PDCD6IP: variants seen among roughly 807,000 people sequenced by gnomAD.
The protein encoded by PDCD6IP is programmed cell death 6 interacting protein, also known as programmed cell death 6-interacting protein.
PDCD6IP carries 43 observed loss-of-function variants against 103.7 expected under a neutral mutation model. The ratio of observed to expected loss-of-function variants is 0.41; its 90% CI spans 0.32 to 0.53. The LOEUF is 0.53. Ranked by LOEUF, PDCD6IP falls within the 20% of genes least tolerant of loss-of-function variation. The pLI, the probability that PDCD6IP is intolerant of heterozygous loss-of-function variation, is 0.16. For synonymous variants in PDCD6IP, 354 were observed against 378.7 expected (o/e 0.93, Z 0.76); for missense variants, 871 against 1,036.7 (o/e 0.84, Z 2.20).
chr3:33,842,183 C>G, intron 10 of PDCD6IP, 109 bp downstream of exon 10: 3 of 681,002 alleles, frequency 4.4e-6, no homozygotes, highest in Non-Finnish European at 7.3e-6. Flanking sequence ...AGTTAGTATT[C>G]ATCACTTTGG....
chr3:33,843,049 A>AT (rs1375252833), intron 10 of PDCD6IP, among the ~76,000 whole-genome samples: 2 of 152,190 alleles, frequency 1.3e-5, no homozygotes, highest in Non-Finnish European at 2.9e-5. Flanking sequence ...TAATCTTTTA[A>AT]TTATAGTAGT....
intron 9 of PDCD6IP, among the ~76,000 whole-genome samples, chr3:33,838,838 C>T (rs1433680886): frequency 6.6e-6 from 1 of 151,600 alleles, no homozygotes; most frequent in Non-Finnish European, 1.5e-5. Flanking sequence ...GTCTTATTGT[C>T]ACCAGGCTGG....
intron 7 of PDCD6IP, among the ~76,000 whole-genome samples, chr3:33,834,862 C>G (rs917500228): frequency 6.6e-6 from 1 of 152,084 alleles, no homozygotes; most frequent in African/African-American, 2.4e-5. Flanking sequence ...GTCTGGTAAA[C>G]CAAACTCGTT....
rs767634774 is a variant in PDCD6IP, at chr3:33,855,232, C to T, written c.2092C>T (p.Arg698Trp). The T allele has an allele frequency of 1.1e-5, 18 of 1,606,140 alleles. No individual in the cohort carries two copies. The highest frequency in any genetic ancestry group is 2.7e-5 in the African/African-American group (2 of 74,708). Reference protein sequence around the residue: ...QNKCSDIVFARKTERDELLKD... With the variant: ...QNKCSDIVFAWKTERDELLKD... ...CAAATGCAGTGATATAGTTTTTGCA[C>T]GGAAGACAGAAAGAGATGAACTCTT... Residue 698 changes from arginine to tryptophan, a missense_variant, in exon 15 of 18, where the codon CGG (arginine) becomes TGG (tryptophan). Coordinates refer to ENST00000307296, the MANE Select transcript of PDCD6IP (RefSeq NM_013374.6).
At chr3:33,865,585 G>A (rs1032240072) in intron 17 of PDCD6IP, among the ~76,000 whole-genome samples, 155 bp downstream of exon 17, 1 of 152,154 alleles carries the variant, frequency 6.6e-6, no homozygotes, top group South Asian at 2.1e-4. Context: ...TAATGTTATG[G>A]TCACTTACAT....
At chr3:33,837,855 T>C (rs1246862443) in intron 8 of PDCD6IP, among the ~76,000 whole-genome samples, 3 of 152,228 alleles carry the variant, frequency 2.0e-5, no homozygotes, top group Admixed American at 2.0e-4. Context: ...CCCAAAGTGC[T>C]GGGATTACAG....
chr3:33,802,166 C>G (rs1696489227), intron 1 of PDCD6IP, among the ~76,000 whole-genome samples: 1 of 152,158 alleles, frequency 6.6e-6, no homozygotes, highest in Non-Finnish European at 1.5e-5. Flanking sequence ...ATATTGTTCT[C>G]AGGTCCAGGT....
chr3:33,800,119 C>CA (rs1173163869), intron 1 of PDCD6IP, among the ~76,000 whole-genome samples: 2,547 of 50,634 alleles, frequency 0.05, 364 homozygotes, highest in African/African-American at 0.15. Context: ...GACTCCATCT[C>CA]AAAAAAAAAA....
rs879056682 is a variant in PDCD6IP, at chr3:33,838,379, A to G, written c.1181+52A>G. 15 of 1,489,050 alleles carry G rather than the reference A, an allele frequency of 1.0e-5. No individual in the cohort carries two copies. The South Asian group carries it at 1.6e-4, about 16-fold the overall frequency. 92.2% of individuals were successfully genotyped at this position (1,489,050 alleles called of 1,614,324 possible). ...AAAGTTTTCCGTTTGGTTGTTCTTT[A>G]GTTTATGAACATTTTAGTTTCTGAG... On this transcript the variant is annotated intron_variant, in intron 9 of 17. Coordinates refer to ENST00000307296, the MANE Select transcript of PDCD6IP (RefSeq NM_013374.6).
intron 4 of PDCD6IP, among the ~76,000 whole-genome samples, chr3:33,824,876 C>T (rs767638992): frequency 2.6e-5 from 4 of 152,084 alleles, no homozygotes; most frequent in Admixed American, 6.5e-5. Flanking sequence ...TGTTTATCCC[C>T]GCCTCTATTC....
At chr3:33,829,484 CAT>C (rs60580027) in intron 7 of PDCD6IP, among the ~76,000 whole-genome samples, 9 of 149,850 alleles carry the variant, frequency 6.0e-5, no homozygotes, top group Non-Finnish European at 8.9e-5. Context: ...GATGTGTGTG[CAT>C]ATATATATAT....
chr3:33,860,517 A>G (rs1173665361), intron 15 of PDCD6IP, among the ~76,000 whole-genome samples: 1 of 152,222 alleles, frequency 6.6e-6, no homozygotes, highest in Non-Finnish European at 1.5e-5. Context: ...CCCTAAAAGC[A>G]TTGTTAATGC....
intron 3 of PDCD6IP, among the ~76,000 whole-genome samples, chr3:33,820,490 G>A (rs1477677874): frequency 1.3e-5 from 2 of 151,932 alleles, no homozygotes; most frequent in African/African-American, 2.4e-5. Context: ...ATTTCATATT[G>A]TTGTAAAATA....
chr3:33,825,830 G>C (rs1021886530), intron 5 of PDCD6IP, among the ~76,000 whole-genome samples: 1 of 152,150 alleles, frequency 6.6e-6, no homozygotes, highest in Non-Finnish European at 1.5e-5. Context: ...GTGGCTGGTG[G>C]TATGGTTATG....
chr3:33,848,120 T>G (rs1173305387), intron 12 of PDCD6IP, among the ~76,000 whole-genome samples: 1 of 152,180 alleles, frequency 6.6e-6, no homozygotes, highest in Non-Finnish European at 1.5e-5. Flanking sequence ...TCCTGATTTC[T>G]CATGACAGAA....
intron 1 of PDCD6IP, among the ~76,000 whole-genome samples, chr3:33,807,710 C>G (rs1297173421): frequency 6.6e-6 from 1 of 152,150 alleles, no homozygotes; most frequent in Non-Finnish European, 1.5e-5. Context: ...AGGATGGCAC[C>G]TGGGCAGCCG....
intron 3 of PDCD6IP, 120 bp from the exon 4 acceptor site, chr3:33,821,835 C>T (rs906961704): frequency 4.4e-6 from 4 of 911,906 alleles, no homozygotes; most frequent in Non-Finnish European, 4.9e-6. Flanking sequence ...GAAAACAGGT[C>T]TGGAAACTTG....
chr3:33,831,284 T>C (rs1351677116), intron 7 of PDCD6IP, among the ~76,000 whole-genome samples: 1 of 151,782 alleles, frequency 6.6e-6, no homozygotes, highest in Non-Finnish European at 1.5e-5. Flanking sequence ...ATAGAATGAC[T>C]ACATGTCAAA....
chr3:33,815,256 A>T (rs1298597643), intron 3 of PDCD6IP, among the ~76,000 whole-genome samples: 1 of 151,748 alleles, frequency 6.6e-6, no homozygotes, highest in Non-Finnish European at 1.5e-5. Context: ...GAGGGTGATG[A>T]TATTAGAAAG....
Sources: allele counts gnomAD v4.1 joint callset (sites outside exome capture counted in the v4.1 genomes callset), GRCh38; gene constraint gnomAD v4.1.1; transcripts MANE v1.5; gene names NCBI Gene and HGNC (gene_info 2026-07-23, HGNC 2026-07-21).